Variants in SCNN1A observed in about 807,000 individuals in gnomAD.
SCNN1A encodes epithelial sodium channel subunit alpha.
Under a neutral mutation model 68.6 loss-of-function variants are expected in SCNN1A, and 65 were observed. The observed-to-expected ratio is 0.95, with a 90% CI of 0.78 to 1.16. The LOEUF (loss-of-function observed/expected upper bound fraction) is 1.16. Ranked by LOEUF, SCNN1A falls within the 50% of genes most tolerant of loss-of-function variation. SCNN1A has a pLI of 0.00. For synonymous variants in SCNN1A, 357 were observed against 353.3 expected (o/e 1.01, Z -0.12); for missense variants, 880 against 865.9 (o/e 1.02, Z -0.20).
At position 6,374,493 on chromosome 12, in the gene SCNN1A, C is replaced by T. The variant is rs752542101; in HGVS notation, c.291G>A (p.Met97Ile). The T allele has an allele frequency of 1.2e-6, 2 of 1,614,122 alleles. No individual in the cohort carries two copies. The highest frequency in any genetic ancestry group is 2.7e-5 in the African/African-American group (2 of 74,944). The change falls in exon 2 of 13, where the codon ATG becomes ATA. Residue 97 changes from methionine (M) to isoleucine (I), a missense_variant. This residue lies in a region of SCNN1A where 45 missense variants were observed against 76.7 expected (regional missense o/e 0.59). Transcript: ENST00000228916. The surrounding 1 kb of genome is among the most constrained non-coding windows in gnomAD (Gnocchi z 6.2). The stretch of plus-strand genomic sequence containing the variant: ...AAAGCAGGCCGAATTGCCAGTACAT[C>T]ATGCCAAAGGTGCAGAGCCACAGCA... ...WAVLWLCTFGMMYWQFGLLFG... is the reference protein window; with the variant it reads ...WAVLWLCTFGIMYWQFGLLFG...
rs543791809 is a variant in SCNN1A at position 6,372,830 on chromosome 12, A to G, written c.416+1538T>C. On this transcript the variant is annotated intron_variant, in intron 2 of 12. Coordinates refer to ENST00000228916, the MANE Select transcript of SCNN1A (RefSeq NM_001038.6). The surrounding 1 kb of genome is among the most constrained non-coding windows in gnomAD (Gnocchi z 5.8). ...TGAGGCGGAAGCCACATCTGACTGG[A>G]AGTTTCATTCACTCAAAGCCCCACA... Among the ~76,000 whole-genome samples the G allele has an allele frequency of 6.6e-6, 1 of 152,282 alleles. No homozygotes were observed. Among genetic ancestry groups the G allele is most frequent in the East Asian group, 1.9e-4 (1 of 5,176 alleles).
chr12:6,368,925 G>T (rs1438142507), intron 2 of SCNN1A, among the ~76,000 whole-genome samples: 1 of 152,134 alleles, frequency 6.6e-6, no homozygotes, highest in Non-Finnish European at 1.5e-5. Context: ...GAAGCTCTTG[G>T]GGGGTTAAGT....
In SCNN1A at chr12:6,354,421, G is replaced by C. The variant is rs1230930513; in HGVS notation, c.1360+17C>G. On this transcript the variant is annotated intron_variant, in intron 8 of 12. Coordinates refer to ENST00000228916, the MANE Select transcript of SCNN1A (RefSeq NM_001038.6). ...CTGGGGTCAGTGGGGCAGGGTGGGG[G>C]CTCCCTGGAGTCTCACCCCAGGAAC... 1 of 1,544,290 alleles carries C rather than the reference G, an allele frequency of 6.5e-7. No individual in the cohort carries two copies. Among genetic ancestry groups the C allele is most frequent in the Non-Finnish European group, 8.9e-7 (1 of 1,117,914 alleles).
At chr12:6,360,788 C>CG (rs1278029486) in intron 4 of SCNN1A, among the ~76,000 whole-genome samples, 1 of 151,338 alleles carries the variant, frequency 6.6e-6, no homozygotes, top group East Asian at 1.9e-4. Flanking sequence ...GGGACCCCCC[C>CG]CTCGCCTCAG....
At chr12:6,369,599 G>A (rs1005019763) in intron 2 of SCNN1A, among the ~76,000 whole-genome samples, 37 of 152,134 alleles carry the variant, frequency 2.4e-4, no homozygotes, top group Middle Eastern at 3.2e-3. Context: ...TTGGGAGGCC[G>A]AGGATGGTGG....
rs571660455 is a variant in SCNN1A at position 6,375,258 on chromosome 12, C to A, written c.-55+247G>T. ...GTCTCTCCTGCTCTCCTCTTTCTGG[C>A]CTGCCTCCTCTCTCTAATCCTGCCT... On this transcript the variant is annotated intron_variant, in intron 1 of 12. Transcript: ENST00000228916. 3.0e-5 allele frequency: 43 copies of A among 1,438,074 alleles called. No individual in the cohort carries two copies. In the Admixed American group the frequency reaches 1.2e-3, roughly 39 times the overall value. The allele number at this position is 1,438,074 out of a possible 1,614,324, so 89.1% of individuals were successfully genotyped here. A position where few individuals can be genotyped will look rare whatever the true frequency, so the allele number is the denominator to read the frequency against.
In SCNN1A at chr12:6,349,334, G is replaced by A. The variant is rs1380062084; in HGVS notation, c.1432C>T (p.Pro478Ser). The change falls in exon 9 of 13, where the codon CCA becomes TCA. Residue 478 changes from proline (P) to serine (S), a missense_variant. Pro to Ser is a moderately conservative substitution (Grantham distance 74). Around this residue, in one of 3 missense-constraint regions of SCNN1A, gnomAD observed 758 missense variants for 721.8 expected, o/e 1.05. Transcript: ENST00000228916. ...HLGCFTKCRK[P>S]CSVTSYQLSA... Reference sequence around the variant, plus strand: ...GGGGAAGGGGACACTAACCTGCATGGCTTCCGGCACTTGGTGAAACAGCCC... The same window carrying A: ...GGGGAAGGGGACACTAACCTGCATGACTTCCGGCACTTGGTGAAACAGCCC... The A allele has an allele frequency of 1.2e-6, 2 of 1,613,350 alleles. No homozygotes were observed. Among genetic ancestry groups the A allele is most frequent in the Admixed American group, 1.7e-5 (1 of 59,866 alleles).
rs1204709630 is a variant in SCNN1A, at chr12:6,363,512, G to T, written c.615C>A (p.Ser205Arg). The change falls in exon 3 of 13, where the codon AGC (serine) becomes AGA (arginine). Residue 205 changes from serine to arginine, a missense_variant. By Grantham distance (110) the Ser-to-Arg change is moderately radical (BLOSUM62 -1). Transcript: ENST00000228916. The part of the protein sequence containing the change: ...PPPHGARRAR[S>R]VASSLRDNNP... ...TGTTGTCCCGCAAGCTGGAGGCCAC[G>T]CTACGGGCTCGACGGGCCCCGTGAG... The T allele has an allele frequency of 8.7e-6, 14 of 1,609,022 alleles. No individual in the cohort carries two copies. The African/African-American group carries it at 1.7e-4, about 20-fold the overall frequency.
At chr12:6,356,159 C>T (rs1948494870) in intron 4 of SCNN1A, 1 of 501,570 alleles carries the variant, frequency 2.0e-6, no homozygotes, top group Admixed American at 3.2e-5. Flanking sequence ...GGCCCAAGGT[C>T]ACACATCTAC....
chr12:6,363,402 G>C, intron 3 of SCNN1A, 41 bp downstream of exon 3: 3 of 1,472,570 alleles, frequency 2.0e-6, no homozygotes, highest in Non-Finnish European at 2.7e-6. Flanking sequence ...GCCAGGGGCC[G>C]GCGAGGGGCG....
chr12:6,348,969 A>G lies in SCNN1A; in HGVS notation c.1534T>C (p.Tyr512His). 1 of 1,613,966 alleles carries G rather than the reference A, an allele frequency of 6.2e-7. No homozygotes were observed. The highest frequency in any genetic ancestry group is 2.2e-5 in the East Asian group (1 of 44,868). The change falls in exon 11 of 13, where the codon TAC (tyrosine) becomes CAC (histidine). Residue 512 changes from tyrosine to histidine, a missense_variant. Around this residue, in one of 3 missense-constraint regions of SCNN1A, gnomAD observed 758 missense variants for 721.8 expected, o/e 1.05. Transcript: ENST00000228916. ...VFQMLSRQNN[Y>H]TVNNKRNGVA... ...ACTGACCTCTTGTTGTTGACGGTGT[A>G]ATTGTTCTGTCGCGATAGCATCTGG...
In SCNN1A at chr12:6,374,734, G is replaced by A. The variant is rs1437786055; in HGVS notation, c.50C>T (p.Thr17Ile). Residue 17 changes from threonine to isoleucine, a missense_variant, in exon 2 of 13, where the codon ACT (threonine) becomes ATT (isoleucine). Thr to Ile is a moderately conservative substitution (Grantham distance 89). Coordinates refer to ENST00000228916, the MANE Select transcript of SCNN1A (RefSeq NM_001038.6). The surrounding 1 kb of genome is among the most constrained non-coding windows in gnomAD (Gnocchi z 6.2). ...EEQDSSPPQS[T>I]PGLMKGNKRE... ...CTTGTTCCCCTTCATGAGCCCTGGA[G>A]TGGACTGTGGAGGGCTAGAGTCCTG... is the stretch of plus-strand genomic sequence containing the variant. 1.2e-6 allele frequency: 2 copies of A among 1,614,158 alleles called. No homozygotes were observed. The highest frequency in any genetic ancestry group is 2.2e-5 in the East Asian group (1 of 44,872).
chr12:6,363,443 C>A lies in SCNN1A; in HGVS notation c.684G>T (p.Leu228=). The A allele has an allele frequency of 6.4e-7, 1 of 1,573,704 alleles. No homozygotes were observed. Among genetic ancestry groups the A allele is most frequent in the Non-Finnish European group, 8.6e-7 (1 of 1,161,986 alleles). ...DWKDWKIGFQ[L]CNQNKSDCFY... ...GGCCCCTCGGCGCTGCGGGCCTCAC[C>A]AGCTGGAAGCCGATCTTCCAGTCCT... The change falls in exon 3 of 13, where the codon CTG becomes CTT. Residue 228 remains leucine, a splice_region_variant and synonymous_variant. Coordinates refer to ENST00000228916, the MANE Select transcript of SCNN1A (RefSeq NM_001038.6).
chr12:6,348,797 C>A lies in SCNN1A; in HGVS notation c.1559G>T (p.Gly520Val). The A allele has an allele frequency of 6.2e-7, 1 of 1,613,744 alleles. No homozygotes were observed. Among genetic ancestry groups the A allele is most frequent in the Non-Finnish European group, 8.5e-7 (1 of 1,179,902 alleles). Residue 520 changes from glycine to valine, a missense_variant, in exon 12 of 13, where the codon GGA (glycine) becomes GTA (valine). By Grantham distance (109) the Gly-to-Val change is moderately radical. Coordinates refer to ENST00000228916, the MANE Select transcript of SCNN1A (RefSeq NM_001038.6). ...GAAGAAGATGTTGACTTTGGCCACTCCATTTCTTAGGTGTGGGGCAGAGGG... is the reference window on the plus strand; with the variant it reads ...GAAGAAGATGTTGACTTTGGCCACTACATTTCTTAGGTGTGGGGCAGAGGG... Reference protein sequence around the residue: ...NNYTVNNKRNGVAKVNIFFKE... With the variant: ...NNYTVNNKRNVVAKVNIFFKE...
In SCNN1A at chr12:6,374,844, G is replaced by C; in HGVS notation, c.-54-7C>G. On this transcript the variant is annotated splice_region_variant and splice_polypyrimidine_tract_variant and intron_variant, in intron 1 of 12. Transcript: ENST00000228916. The surrounding 1 kb of genome is among the most constrained non-coding windows in gnomAD (Gnocchi z 6.2). ...GCTCCTCCAGCTTGTTCCCCTTCAT[G>C]AGCCCCGGAGTGGATTGGGGAGAGC... The C allele has an allele frequency of 6.2e-7, 1 of 1,614,066 alleles. No individual in the cohort carries two copies. The highest frequency in any genetic ancestry group is 1.7e-5 in the Admixed American group (1 of 60,030).
chr12:6,348,923 T>G, intron 11 of SCNN1A, 27 bp downstream of exon 11: 1 of 1,613,562 alleles, frequency 6.2e-7, no homozygotes, highest in Non-Finnish European at 8.5e-7. Context: ...ATTCCCTTCT[T>G]GTGGCTGGGA....
chr12:6,360,663 CA>C (rs1410836773), intron 4 of SCNN1A, among the ~76,000 whole-genome samples: 1 of 152,212 alleles, frequency 6.6e-6, no homozygotes, highest in African/African-American at 2.4e-5. Context: ...TCTTCAGCAA[CA>C]GGGGAGGGAA....
upstream of SCNN1A, chr12:6,375,983 G>A: frequency 1.0e-6 from 1 of 1,001,410 alleles, no homozygotes; most frequent in Non-Finnish European, 1.2e-6. Context: ...GCAGTGGTGG[G>A]GGCAAATAGA....
rs376456435 is a variant in SCNN1A, at chr12:6,348,808, G to C, written c.1554-6C>G. Reference sequence around the variant, plus strand: ...TGACTTTGGCCACTCCATTTCTTAGGTGTGGGGCAGAGGGTGGGAAGAAAT... The same window carrying C: ...TGACTTTGGCCACTCCATTTCTTAGCTGTGGGGCAGAGGGTGGGAAGAAAT... On this transcript the variant is annotated splice_polypyrimidine_tract_variant and splice_region_variant and intron_variant, in intron 11 of 12. Coordinates refer to ENST00000228916, the MANE Select transcript of SCNN1A (RefSeq NM_001038.6). 1 of 1,613,606 alleles carries C rather than the reference G, an allele frequency of 6.2e-7. No individual in the cohort carries two copies.
Sources: allele counts gnomAD v4.1 joint callset (sites outside exome capture counted in the v4.1 genomes callset), GRCh38; gene constraint gnomAD v4.1.1; regional missense constraint gnomAD v4.1.1; non-coding constraint Gnocchi (gnomAD v3.1); transcripts MANE v1.5; gene names NCBI Gene and HGNC (gene_info 2026-07-23, HGNC 2026-07-21).